Variants in GLIS1 observed in about 807,000 individuals in gnomAD.
GLIS1 encodes GLIS family zinc finger 1.
Under a neutral mutation model 63.8 loss-of-function variants are expected in GLIS1, and 24 were observed. The ratio of observed to expected loss-of-function variants is 0.38; its 90% confidence interval spans 0.27 to 0.53. GLIS1 has a LOEUF of 0.53. Ranked by LOEUF, GLIS1 falls within the 20% of genes least tolerant of loss-of-function variation. The pLI is 0.85. For synonymous variants in GLIS1, 450 were observed against 482.5 expected, an observed-to-expected ratio of 0.93 and a Z score of 0.88; for missense variants, 1,036 against 1,074.1, an observed-to-expected ratio of 0.96 and a Z score of 0.50.
chr1:53,638,156 G>A (rs566844755), intron 2 of GLIS1, among the ~76,000 whole-genome samples: 9 of 152,342 alleles, frequency 5.9e-5, no homozygotes, highest in African/African-American at 1.4e-4. Flanking sequence ...CGGTGTAAGG[G>A]TCAGGGAAGT....
At position 53,646,655 on chromosome 1, in the gene GLIS1, C is replaced by T. The variant is rs1420771594; in HGVS notation, c.260-46377G>A. Among the ~76,000 whole-genome samples, 1 of 152,010 alleles carries T rather than the reference C, an allele frequency of 6.6e-6. No homozygotes were observed. The highest frequency in any genetic ancestry group is 1.5e-5 in the Non-Finnish European group (1 of 68,018). On this transcript the variant is annotated intron_variant, in intron 2 of 10. Coordinates refer to ENST00000628545, the MANE Select transcript of GLIS1 (RefSeq NM_001367484.1). The surrounding 1 kb of genome is among the most constrained non-coding windows in gnomAD (Gnocchi z 4.2). ...TAAAACCCCGTCTTGACTAAAAATA[C>T]AAAACTTAGCCAGGTGTGGTGGCGC...
At chr1:53,621,935 C>A (rs746636291) in intron 2 of GLIS1, among the ~76,000 whole-genome samples, 1 of 152,052 alleles carries the variant, frequency 6.6e-6, no homozygotes, top group African/African-American at 2.4e-5. Flanking sequence ...CTCAGCTTCC[C>A]GAGTGGCTGG....
intron 2 of GLIS1, among the ~76,000 whole-genome samples, chr1:53,726,356 A>G (rs533757196): frequency 5.3e-5 from 8 of 152,290 alleles, no homozygotes; most frequent in Middle Eastern, 6.8e-3. Context: ...CTGCGCAAGG[A>G]GTGAATGTAG....
In GLIS1 at chr1:53,512,635, A is replaced by G. The variant is rs375375166; in HGVS notation, c.1883+1990T>C. Among the ~76,000 whole-genome samples the G allele has an allele frequency of 5.9e-5, 9 of 152,262 alleles. No individual in the cohort carries two copies. In the South Asian group the frequency reaches 1.7e-3, roughly 28 times the overall value. On this transcript the variant is annotated intron_variant, in intron 8 of 10. Transcript: ENST00000628545. ...GGGCCTGGGCCTGGTGTCAGGCACG[A>G]GGACGCTTCTCTCCTGCAGCTGGAC...
chr1:53,534,038 G>A (rs1284956926), intron 4 of GLIS1, among the ~76,000 whole-genome samples: 3 of 152,054 alleles, frequency 2.0e-5, no homozygotes, highest in Non-Finnish European at 4.4e-5. Context: ...AGCTCTCTGG[G>A]TCCCGGGAGC....
intron 2 of GLIS1, among the ~76,000 whole-genome samples, chr1:53,693,866 A>G (rs1646435503): frequency 6.6e-6 from 1 of 152,238 alleles, no homozygotes. Flanking sequence ...GTGCCGCTCA[A>G]AGTGACCTTG....
intron 2 of GLIS1, among the ~76,000 whole-genome samples, chr1:53,676,316 A>G (rs553378171): frequency 6.6e-6 from 1 of 152,222 alleles, no homozygotes; most frequent in Non-Finnish European, 1.5e-5. Context: ...TCTGAGCGCA[A>G]TCGGCCCAGG....
intron 2 of GLIS1, among the ~76,000 whole-genome samples, chr1:53,692,913 T>G (rs1039221959): frequency 6.6e-6 from 1 of 152,244 alleles, no homozygotes; most frequent in Non-Finnish European, 1.5e-5. Context: ...CTGGCTGGAC[T>G]GGCCTCTCTG....
intron 2 of GLIS1, among the ~76,000 whole-genome samples, chr1:53,714,705 G>A (rs2100533542): frequency 6.6e-6 from 1 of 152,332 alleles, no homozygotes; most frequent in East Asian, 1.9e-4. Flanking sequence ...GTACTGAGAT[G>A]AGATGAATTA....
At chr1:53,733,562 G>C (rs1318082845) in intron 2 of GLIS1, among the ~76,000 whole-genome samples, 1 of 152,154 alleles carries the variant, frequency 6.6e-6, no homozygotes, top group Admixed American at 6.5e-5. Context: ...AGGCAGGAAG[G>C]GAAGAGGAAT....
intron 2 of GLIS1, among the ~76,000 whole-genome samples, chr1:53,677,624 C>T (rs1000789308): frequency 2.0e-5 from 3 of 152,262 alleles, no homozygotes; most frequent in African/African-American, 4.8e-5. Context: ...AATTGAGGGG[C>T]CTCTGCAGGC....
At chr1:53,719,911 C>T (rs926320903) in intron 2 of GLIS1, among the ~76,000 whole-genome samples, 2 of 152,206 alleles carry the variant, frequency 1.3e-5, no homozygotes, top group African/African-American at 4.8e-5. Context: ...CACATTGGCT[C>T]ATGCCTGTAA....
rs59387707 is a variant in GLIS1, at chr1:53,613,653, G to GTT, written c.260-13377_260-13376dup. Among the ~76,000 whole-genome samples, 426 of 150,972 alleles carry GTT rather than the reference G, an allele frequency of 2.8e-3. 6 individuals are homozygous for GTT. Among genetic ancestry groups the GTT allele is most frequent in the African/African-American group, 9.2e-3 (380 of 41,210 alleles). On this transcript the variant is annotated intron_variant, in intron 2 of 10. Transcript: ENST00000628545. ...TAATTTAAAAATGATATTTTTGGTGGTTTTTTTTTCAGTTAATGTGTGGGA... is the reference window on the plus strand; with the variant it reads ...TAATTTAAAAATGATATTTTTGGTGGTTTTTTTTTTTCAGTTAATGTGTGGGA...
intron 2 of GLIS1, among the ~76,000 whole-genome samples, chr1:53,631,166 A>G (rs1645648537): frequency 2.0e-5 from 3 of 152,154 alleles, no homozygotes; most frequent in Non-Finnish European, 2.9e-5. Context: ...TTTAGTTGCA[A>G]TTACTTTTGT....
chr1:53,730,409 A>G (rs1346061162), intron 2 of GLIS1, among the ~76,000 whole-genome samples: 2 of 152,222 alleles, frequency 1.3e-5, no homozygotes, highest in Non-Finnish European at 2.9e-5. Flanking sequence ...ATAGTCCAGC[A>G]GCGTTCCAAA....
intron 2 of GLIS1, among the ~76,000 whole-genome samples, chr1:53,622,194 G>A (rs1044111740): frequency 1.3e-5 from 2 of 151,958 alleles, no homozygotes; most frequent in South Asian, 2.1e-4. Context: ...TTGGGAGGCC[G>A]AGGTGGGTGG....
Position 53,520,757 on chromosome 1 carries a change from C to CCG in GLIS1, c.1601_1602dup (p.Gly535ArgfsTer10). The CCG allele has an allele frequency of 6.2e-7, 1 of 1,605,194 alleles. No homozygotes were observed. The highest frequency in any genetic ancestry group is 8.5e-7 in the Non-Finnish European group (1 of 1,175,908). ...AGGACGTCGGCCTCGGTGTCAGGGCCCGCATGCAGCTGGGGAGCAAGCAGA... is the reference window on the plus strand; with the variant it reads ...AGGACGTCGGCCTCGGTGTCAGGGCCCGCGCATGCAGCTGGGGAGCAAGCAGA... On this transcript the variant is annotated frameshift_variant, in exon 7 of 11. Coordinates refer to ENST00000628545, the MANE Select transcript of GLIS1 (RefSeq NM_001367484.1). LOFTEE classifies it high-confidence loss of function.
At chr1:53,726,777 G>C (rs917710786) in intron 2 of GLIS1, among the ~76,000 whole-genome samples, 1 of 152,108 alleles carries the variant, frequency 6.6e-6, no homozygotes, top group African/African-American at 2.4e-5. Flanking sequence ...CTCCATCTCT[G>C]CAGCTCAAGC....
intron 2 of GLIS1, among the ~76,000 whole-genome samples, chr1:53,602,361 A>C (rs1301521913): frequency 6.6e-6 from 1 of 152,112 alleles, no homozygotes; most frequent in East Asian, 1.9e-4. Flanking sequence ...TGGGCCTCAG[A>C]AAACTGTGGA....
Sources: allele counts gnomAD v4.1 joint callset (sites outside exome capture counted in the v4.1 genomes callset), GRCh38; gene constraint gnomAD v4.1.1; non-coding constraint Gnocchi (gnomAD v3.1); transcripts MANE v1.5; gene names NCBI Gene and HGNC (gene_info 2026-07-23, HGNC 2026-07-21).